RAPGEF1: variants seen among roughly 807,000 people sequenced by gnomAD.
RAPGEF1 encodes the protein CRK SH3-binding GNRP.
Under a neutral mutation model 143.3 loss-of-function variants are expected in RAPGEF1, and 33 were observed. The observed-to-expected ratio is 0.23, with a 90% confidence interval of 0.17 to 0.31. The LOEUF is 0.31. Among genes scored for constraint, RAPGEF1 ranks in the 10% least tolerant of loss-of-function variants. The probability of loss-of-function intolerance (pLI) is 1.00; values close to 1 mark genes in which losing one functional copy is unlikely to be tolerated. For missense variants in RAPGEF1, 1,199 were observed against 1,645.4 expected (o/e 0.73, Z 4.69); for synonymous variants, 629 against 676.5 (o/e 0.93, Z 1.09).
At chr9:131,684,580 ATTAACT>A (rs1326377847) in intron 1 of RAPGEF1, among the ~76,000 whole-genome samples, 1 of 152,246 alleles carries the variant, frequency 6.6e-6, no homozygotes, top group Non-Finnish European at 1.5e-5. Context: ...ATCTAGCATT[ATTAACT>A]TTAAATTTTT....
chr9:131,622,547 C>G (rs992859428), intron 10 of RAPGEF1, among the ~76,000 whole-genome samples: 40 of 152,222 alleles, frequency 2.6e-4, no homozygotes, highest in African/African-American at 8.7e-4. Context: ...CACTGGGGGT[C>G]CAGGTATAGA....
intron 20 of RAPGEF1, 24 bp from the exon 21 acceptor site, chr9:131,588,050 A>G (rs1953474979): frequency 1.3e-6 from 2 of 1,598,902 alleles, no homozygotes; most frequent in East Asian, 4.5e-5. Context: ...GTGTGAGAAG[A>G]GCCGTCAGGG....
rs148591747 is a variant in RAPGEF1 at position 131,658,903 on chromosome 9, T to C, written c.62-7954A>G. ...TTTCTGTGTCATTTGTAGCAGCAGC[T>C]GGGTTCCCAACTTAGCAGTGGTTTC... On this transcript the variant is annotated intron_variant, in intron 1 of 26. Transcript: ENST00000683357. Among the ~76,000 whole-genome samples, 149 of 152,350 alleles carry C rather than the reference T, an allele frequency of 9.8e-4. 1 individual carries two copies. The highest frequency in any genetic ancestry group is 3.4e-3 in the African/African-American group (143 of 41,600).
chr9:131,605,055 AAGTC>A lies in RAPGEF1; in HGVS notation c.2191_2194del (p.Asp731Ter). On this transcript the variant is annotated frameshift_variant, in exon 13 of 27. Coordinates refer to ENST00000683357, the MANE Select transcript of RAPGEF1 (RefSeq NM_001377935.1). LOFTEE classifies it high-confidence loss of function. ...TGGACCGGCCATGGTTGGCACGGCT[AAGTC>A]AGAGCTCTGAGACTGGTGGGCAGGT... 7.3e-7 allele frequency: 1 copy of A among 1,365,236 alleles called. No individual in the cohort carries two copies. The highest frequency in any genetic ancestry group is 9.8e-7 in the Non-Finnish European group (1 of 1,021,428). The allele number at this position is 1,365,236 out of a possible 1,614,324, so 84.6% of individuals were successfully genotyped here.
Position 131,711,159 on chromosome 9 carries a change from TC to T in RAPGEF1, c.61+28610del, listed in dbSNP as rs1187549858. Among the ~76,000 whole-genome samples, 5 of 150,288 alleles carry T rather than the reference TC, an allele frequency of 3.3e-5. No homozygotes were observed. In the East Asian group the frequency reaches 9.8e-4, roughly 30 times the overall value. ...TCAACCTCCCTGGCCCAAGCAATCC[TC>T]CTCCCTCAGCCTCCAAAGAAGCTAG... On this transcript the variant is annotated intron_variant, in intron 1 of 26. Coordinates refer to ENST00000683357, the MANE Select transcript of RAPGEF1 (RefSeq NM_001377935.1).
chr9:131,581,781 G>A (rs1167673672), intron 25 of RAPGEF1, among the ~76,000 whole-genome samples: 1 of 152,198 alleles, frequency 6.6e-6, no homozygotes, highest in East Asian at 1.9e-4. Flanking sequence ...GGCCAGATGA[G>A]AAAGACAGGG....
intron 1 of RAPGEF1, among the ~76,000 whole-genome samples, chr9:131,663,132 T>C (rs1829854661): frequency 6.6e-6 from 1 of 152,008 alleles, no homozygotes; most frequent in South Asian, 2.1e-4. Flanking sequence ...TCAAATCTAT[T>C]GATGTGCTGA....
chr9:131,650,996 C>A lies in RAPGEF1; in HGVS notation c.62-47G>T, dbSNP rs558867915. ...ACTGTTAGATGGGAGTGGGAAGAAG[C>A]GATGGTTCATTGACCTTTTGTGGAA... On this transcript the variant is annotated intron_variant, in intron 1 of 26. Transcript: ENST00000683357. This position sits in a 1 kb window ranked among gnomAD's most constrained non-coding sequence, Gnocchi z 4.7. The A allele has an allele frequency of 1.3e-6, 2 of 1,591,536 alleles. No individual in the cohort carries two copies. The highest frequency in any genetic ancestry group is 1.7e-6 in the Non-Finnish European group (2 of 1,166,212).
intron 1 of RAPGEF1, among the ~76,000 whole-genome samples, chr9:131,701,180 G>T (rs1834617230): frequency 6.6e-6 from 1 of 152,162 alleles, no homozygotes; most frequent in African/African-American, 2.4e-5. Flanking sequence ...CCTCTATGCA[G>T]CTGGGAAAGA....
rs1297269754 is a variant in RAPGEF1 at position 131,589,742 on chromosome 9, A to G, written c.2867+144T>C. 9.6e-6 allele frequency: 7 copies of G among 729,328 alleles called. No homozygotes were observed. The African/African-American group carries it at 1.0e-4, about 11-fold the overall frequency. 45.2% of individuals were successfully genotyped at this position (729,328 alleles called of 1,614,324 possible). ...CACCTCACCCATCTCACCCTGGTCT[A>G]TCGGGCACAGGCCATTCTCTCAAAG... On this transcript the variant is annotated intron_variant, in intron 19 of 26. Coordinates refer to ENST00000683357, the MANE Select transcript of RAPGEF1 (RefSeq NM_001377935.1).
chr9:131,581,373 G>A (rs1951843603), intron 25 of RAPGEF1, among the ~76,000 whole-genome samples: 1 of 151,958 alleles, frequency 6.6e-6, no homozygotes, highest in Non-Finnish European at 1.5e-5. Context: ...CAGCCTGGGT[G>A]ACAGAGACTC....
chr9:131,631,475 TC>T (rs1964834442), intron 5 of RAPGEF1, among the ~76,000 whole-genome samples: 1 of 152,260 alleles, frequency 6.6e-6, no homozygotes, highest in Non-Finnish European at 1.5e-5. Context: ...GTGTTCCCAC[TC>T]GTGGATGCAC....
intron 11 of RAPGEF1, among the ~76,000 whole-genome samples, chr9:131,620,868 CA>C (rs1284218459): frequency 1.3e-5 from 2 of 152,212 alleles, no homozygotes; most frequent in African/African-American, 4.8e-5. Flanking sequence ...TGTCCTCTCG[CA>C]ATGGATAAAA....
chr9:131,627,303 T>C (rs1213264974), intron 9 of RAPGEF1, among the ~76,000 whole-genome samples: 1 of 152,014 alleles, frequency 6.6e-6, no homozygotes. Context: ...ATATGAGTGA[T>C]TTTTAATAGC....
intron 1 of RAPGEF1, among the ~76,000 whole-genome samples, chr9:131,719,751 AAGACAC>A (rs1836128756): frequency 6.6e-6 from 1 of 151,984 alleles, no homozygotes; most frequent in African/African-American, 2.4e-5. Context: ...GGAGGAAACT[AAGACAC>A]AGAGCTTTTC....
intron 1 of RAPGEF1, chr9:131,737,525 G>A (rs957678981): frequency 6.2e-7 from 1 of 1,611,912 alleles, no homozygotes; most frequent in African/African-American, 1.3e-5. Flanking sequence ...GCAGAAGGCG[G>A]TGCCCAGAAA....
chr9:131,713,485 G>A (rs532316602), intron 1 of RAPGEF1, among the ~76,000 whole-genome samples: 1 of 152,298 alleles, frequency 6.6e-6, no homozygotes, highest in South Asian at 2.1e-4. Flanking sequence ...CAGGAGGGCA[G>A]TGTGAAGGAA....
chr9:131,719,741 G>A (rs1836127249), intron 1 of RAPGEF1, among the ~76,000 whole-genome samples: 1 of 151,782 alleles, frequency 6.6e-6, no homozygotes, highest in Non-Finnish European at 1.5e-5. Context: ...ATTCTACAGA[G>A]GAGGAAACTA....
intron 12 of RAPGEF1, 85 bp downstream of exon 12, chr9:131,618,966 G>A (rs1341728777): frequency 1.6e-5 from 19 of 1,201,720 alleles, no homozygotes; most frequent in Non-Finnish European, 2.0e-5. Flanking sequence ...GCGACGGGCA[G>A]CAGAACACAT....
Sources: allele counts gnomAD v4.1 joint callset (sites outside exome capture counted in the v4.1 genomes callset), GRCh38; gene constraint gnomAD v4.1.1; non-coding constraint Gnocchi (gnomAD v3.1); transcripts MANE v1.5; gene names NCBI Gene and HGNC (gene_info 2026-07-23, HGNC 2026-07-21).